Variants in CNTNAP4 observed in about 807,000 individuals in gnomAD.
CNTNAP4 encodes contactin associated protein family member 4.
A neutral mutation model predicts 148.4 loss-of-function variants in CNTNAP4; 98 were observed. The observed-to-expected ratio is 0.66, with a 90% CI of 0.56 to 0.78. The LOEUF (loss-of-function observed/expected upper bound fraction) is 0.78, where lower values mean the gene tolerates loss of function less well. CNTNAP4 is among the 30% of genes least tolerant of loss of function. The pLI is 0.00. For synonymous variants in CNTNAP4, 730 were observed against 565.1 expected (o/e 1.29, Z -4.14); for missense variants, 1,935 against 1,565.6 (o/e 1.24, Z -3.98).
chr16:76,494,945 A>G lies in CNTNAP4; in HGVS notation c.2116A>G (p.Asn706Asp). 6.2e-7 allele frequency: 1 copy of G among 1,613,570 alleles called. No homozygotes were observed. Among genetic ancestry groups the G allele is most frequent in the Non-Finnish European group, 8.5e-7 (1 of 1,179,596 alleles). Residue 706 changes from asparagine (N) to aspartate (D), a missense_variant, in exon 14 of 24, where the codon AAT becomes GAT. Coordinates refer to ENST00000611870, the MANE Select transcript of CNTNAP4 (RefSeq NM_033401.5). Reference protein sequence around the residue: ...TPLSWWVGRTNETQTYWGGSS... With the variant: ...TPLSWWVGRTDETQTYWGGSS... The stretch of plus-strand genomic sequence containing the variant: ...TCTGAGTTGGTGGGTAGGAAGAACC[A>G]ATGAAACGCAAACCTACTGGGGAGG...
At chr16:76,494,680 C>G (rs2082338682) in intron 13 of CNTNAP4, among the ~76,000 whole-genome samples, 1 of 152,074 alleles carries the variant, frequency 6.6e-6, no homozygotes, top group Non-Finnish European at 1.5e-5. Flanking sequence ...CTTTTCTACC[C>G]AAAAACAAAT....
chr16:76,321,787 CAAAA>C (rs5817984), intron 2 of CNTNAP4, among the ~76,000 whole-genome samples: 3 of 105,428 alleles, frequency 2.8e-5, no homozygotes, highest in Admixed American at 9.0e-5. Context: ...GACTCAGTCT[CAAAA>C]AAAAAAAAAA....
intron 13 of CNTNAP4, 148 bp from the exon 14 acceptor site, chr16:76,494,762 T>C: frequency 1.3e-6 from 1 of 777,420 alleles, no homozygotes; most frequent in Non-Finnish European, 2.0e-6. Flanking sequence ...CCAGCAATCA[T>C]ACTGTTTTGC....
At chr16:76,305,494 C>T (rs900308718) in intron 1 of CNTNAP4, among the ~76,000 whole-genome samples, 6 of 151,942 alleles carry the variant, frequency 3.9e-5, no homozygotes, top group African/African-American at 1.2e-4. Flanking sequence ...TTTCATTGCC[C>T]GTTTTTAATA....
intron 17 of CNTNAP4, among the ~76,000 whole-genome samples, chr16:76,522,711 CTTTTCTTTTCTTTTCTTTTCTTTT>C (rs2083530643): frequency 4.1e-5 from 1 of 24,648 alleles, no homozygotes; most frequent in Admixed American, 4.5e-4. Context: ...CTTTTCTTTT[CTTTTCTTTTCTTTTCTTTTCTTTT>C]CTTTTCTTTT....
At chr16:76,410,555 C>G (rs2078757446) in intron 3 of CNTNAP4, among the ~76,000 whole-genome samples, 2 of 151,706 alleles carry the variant, frequency 1.3e-5, no homozygotes, top group South Asian at 4.1e-4. Flanking sequence ...CAGTCTAAAA[C>G]AGTGTCCGCT....
intron 1 of CNTNAP4, among the ~76,000 whole-genome samples, chr16:76,294,484 C>G (rs565598302): frequency 6.6e-6 from 1 of 152,268 alleles, no homozygotes; most frequent in South Asian, 2.1e-4. Flanking sequence ...TAAATGTACT[C>G]TGTAATAGCA....
At chr16:76,523,220 A>T (rs2083563020) in intron 17 of CNTNAP4, among the ~76,000 whole-genome samples, 1 of 151,536 alleles carries the variant, frequency 6.6e-6, no homozygotes, top group South Asian at 2.1e-4. Flanking sequence ...CCGATGCCAA[A>T]CATTGAACAC....
At chr16:76,429,113 T>G (rs2079524499) in intron 4 of CNTNAP4, among the ~76,000 whole-genome samples, 1 of 152,194 alleles carries the variant, frequency 6.6e-6, no homozygotes. Context: ...AATTGCAGGC[T>G]TTCGTGGCTT....
intron 2 of CNTNAP4, among the ~76,000 whole-genome samples, chr16:76,351,710 G>T (rs1032407877): frequency 6.6e-6 from 1 of 152,136 alleles, no homozygotes; most frequent in African/African-American, 2.4e-5. Context: ...AATGTTCAAG[G>T]TCAATTAACT....
rs143224941 is a variant in CNTNAP4 at position 76,320,275 on chromosome 16, G to T, written c.196+3752G>T. Among the ~76,000 whole-genome samples, 416 of 152,266 alleles carry T rather than the reference G, an allele frequency of 2.7e-3. 3 individuals carry two copies. Among genetic ancestry groups the T allele is most frequent in the African/African-American group, 9.5e-3 (395 of 41,570 alleles). On this transcript the variant is annotated intron_variant, in intron 2 of 23. Coordinates refer to ENST00000611870, the MANE Select transcript of CNTNAP4 (RefSeq NM_033401.5). ...CAATGAACTTAGATAATTACCTGAG[G>T]AGCTTTCCAAGCAAAATAGAAAAGG...
intron 3 of CNTNAP4, among the ~76,000 whole-genome samples, chr16:76,426,172 G>A (rs1448338026): frequency 6.6e-6 from 1 of 152,038 alleles, no homozygotes; most frequent in Non-Finnish European, 1.5e-5. Flanking sequence ...TTGACAAGGA[G>A]AATCAAATTA....
chr16:76,540,897 C>A, intron 21 of CNTNAP4, 107 bp downstream of exon 21: 1 of 709,326 alleles, frequency 1.4e-6, no homozygotes, highest in Non-Finnish European at 2.4e-6. Context: ...CAAAGGAAAT[C>A]CCTTGCCTAT....
chr16:76,371,789 A>T (rs554123100), intron 3 of CNTNAP4, among the ~76,000 whole-genome samples: 11 of 152,240 alleles, frequency 7.2e-5, no homozygotes, highest in African/African-American at 2.6e-4. Flanking sequence ...ACATTCTCCA[A>T]AGTTTCTTGT....
intron 21 of CNTNAP4, among the ~76,000 whole-genome samples, chr16:76,547,812 A>G (rs1245583940): frequency 6.6e-6 from 1 of 152,226 alleles, no homozygotes; most frequent in Admixed American, 6.5e-5. Context: ...AGATGTAAAT[A>G]AAATGTGTGG....
At chr16:76,380,339 G>A (rs1379561215) in intron 3 of CNTNAP4, among the ~76,000 whole-genome samples, 1 of 152,134 alleles carries the variant, frequency 6.6e-6, no homozygotes, top group East Asian at 1.9e-4. Flanking sequence ...GTATGTGCTG[G>A]TAAACTCCAG....
chr16:76,536,860 A>G (rs2084236340), intron 18 of CNTNAP4, among the ~76,000 whole-genome samples: 2 of 152,146 alleles, frequency 1.3e-5, no homozygotes, highest in South Asian at 4.1e-4. Context: ...TCCAATTTAA[A>G]TTCATTTACT....
intron 3 of CNTNAP4, among the ~76,000 whole-genome samples, chr16:76,373,567 C>T (rs1402435309): frequency 6.6e-6 from 1 of 152,090 alleles, no homozygotes; most frequent in Non-Finnish European, 1.5e-5. Flanking sequence ...AATGTTAGGA[C>T]ATTTGTCCAG....
At chr16:76,358,498 A>G (rs1444107179) in intron 3 of CNTNAP4, among the ~76,000 whole-genome samples, 3 of 152,240 alleles carry the variant, frequency 2.0e-5, no homozygotes, top group East Asian at 3.8e-4. Context: ...TTGTCAAAGT[A>G]GTAAGGCTTA....
Sources: gnomAD v4.1 joint callset for allele counts (sites outside exome capture counted in the v4.1 genomes callset) on GRCh38, gnomAD v4.1.1 for gene constraint, MANE v1.5 for transcripts, NCBI Gene and HGNC (gene_info 2026-07-23, HGNC 2026-07-21) for gene names.